The following ATAD1 variants were observed in gnomAD, a reference collection of about 807,000 sequenced individuals.
ATAD1 encodes the protein outer mitochondrial transmembrane helix translocase.
ATAD1 carries 18 observed loss-of-function variants against 42.7 expected under a neutral mutation model. The observed-to-expected ratio is 0.42, with a 90% CI of 0.29 to 0.63. ATAD1 has a LOEUF of 0.63. ATAD1 is among the 20% of genes least tolerant of loss of function. ATAD1 has a pLI of 0.19. For synonymous variants in ATAD1, 132 were observed against 143.1 expected (o/e 0.92, Z 0.55); for missense variants, 294 against 440.4 (o/e 0.67, Z 2.98).
chr10:87,760,022 T>A (rs1854408136), intron 8 of ATAD1, among the ~76,000 whole-genome samples: 1 of 149,990 alleles, frequency 6.7e-6, no homozygotes, highest in African/African-American at 2.5e-5. Flanking sequence ...CAGAATAAGT[T>A]AACAGACTTC....
intron 3 of ATAD1, 149 bp downstream of exon 3, chr10:87,792,508 C>G (rs1277355555): frequency 3.3e-6 from 2 of 604,836 alleles, no homozygotes; most frequent in Admixed American, 5.9e-5. Flanking sequence ...TGTAATAAAT[C>G]ATATACAGGA....
At chr10:87,765,481 TA>T (rs1054735507) in intron 8 of ATAD1, among the ~76,000 whole-genome samples, 1,317 of 88,134 alleles carry the variant, frequency 0.015, 10 homozygotes, top group Admixed American at 0.029. Flanking sequence ...CCAGAAGCCA[TA>T]GGGGGGGTGG....
At chr10:87,790,550 T>C in intron 3 of ATAD1, 120 bp from the exon 4 acceptor site, 2 of 1,041,360 alleles carry the variant, frequency 1.9e-6, no homozygotes, top group South Asian at 2.2e-5. Context: ...GTTAAAATCA[T>C]ATATTAACAT....
chr10:87,790,133 A>G (rs1483921271), intron 4 of ATAD1, among the ~76,000 whole-genome samples, 177 bp downstream of exon 4: 2 of 152,236 alleles, frequency 1.3e-5, no homozygotes, highest in Admixed American at 6.5e-5. Flanking sequence ...AATACAGGAA[A>G]AAGTTTATCT....
chr10:87,763,214 G>A (rs1049433426), intron 8 of ATAD1, among the ~76,000 whole-genome samples: 18 of 150,592 alleles, frequency 1.2e-4, no homozygotes, highest in African/African-American at 2.0e-4. Flanking sequence ...ATGTACATAC[G>A]TAGCTTTCTT....
At chr10:87,775,150 G>A (rs932863086) in intron 6 of ATAD1, among the ~76,000 whole-genome samples, 10 of 152,144 alleles carry the variant, frequency 6.6e-5, no homozygotes, top group African/African-American at 2.4e-4. Flanking sequence ...GCTGGGCGCA[G>A]TGGTTCATGC....
chr10:87,812,651 C>T (rs1564780812), intron 2 of ATAD1, among the ~76,000 whole-genome samples: 1 of 152,106 alleles, frequency 6.6e-6, no homozygotes, highest in South Asian at 2.1e-4. Context: ...CAAGCAAATC[C>T]CATTTCATCC....
upstream of ATAD1, among the ~76,000 whole-genome samples, chr10:87,822,503 A>C (rs557399568): frequency 3.9e-4 from 59 of 152,228 alleles, no homozygotes; most frequent in Non-Finnish European, 7.5e-4. Flanking sequence ...ACTGTAGGAC[A>C]TTATGTTGAG....
intron 1 of ATAD1, among the ~76,000 whole-genome samples, chr10:87,836,478 T>A (rs1185783447): frequency 6.6e-6 from 1 of 152,242 alleles, no homozygotes; most frequent in African/African-American, 2.4e-5. Flanking sequence ...TGACAGGTTT[T>A]TACTTTTAGC....
intron 2 of ATAD1, among the ~76,000 whole-genome samples, chr10:87,812,584 G>T (rs12779915): frequency 6.6e-6 from 1 of 151,952 alleles, no homozygotes; most frequent in Non-Finnish European, 1.5e-5. Context: ...TTTAACAGCT[G>T]GTCAGAGATG....
chr10:87,763,819 G>A (rs1490783966), intron 8 of ATAD1, among the ~76,000 whole-genome samples: 1 of 151,818 alleles, frequency 6.6e-6, no homozygotes, highest in Admixed American at 6.6e-5. Flanking sequence ...AGACACAAAG[G>A]TAAACAACCC....
intron 1 of ATAD1, among the ~76,000 whole-genome samples, chr10:87,828,820 T>C (rs1857775155): frequency 6.6e-6 from 1 of 152,248 alleles, no homozygotes; most frequent in Admixed American, 6.5e-5. Flanking sequence ...CTGAAAATCC[T>C]AGGGACTTAA....
intron 8 of ATAD1, 151 bp downstream of exon 8, chr10:87,767,522 A>G: frequency 2.8e-6 from 2 of 720,288 alleles, no homozygotes; most frequent in Non-Finnish European, 4.8e-6. Flanking sequence ...CCCAGTTCCT[A>G]ACAGGCCATA....
chr10:87,779,137 A>G (rs528772582), intron 5 of ATAD1, among the ~76,000 whole-genome samples: 13 of 151,986 alleles, frequency 8.6e-5, no homozygotes, highest in Non-Finnish European at 1.5e-4. Context: ...CATCTCTACT[A>G]AAAATACAAA....
chr10:87,802,031 T>C (rs1000777673), intron 2 of ATAD1, among the ~76,000 whole-genome samples: 1 of 152,242 alleles, frequency 6.6e-6, no homozygotes, highest in Non-Finnish European at 1.5e-5. Flanking sequence ...TAGACTCCTA[T>C]GAACAAAATT....
intron 1 of ATAD1, among the ~76,000 whole-genome samples, chr10:87,839,713 G>T (rs570953024): frequency 8.3e-6 from 1 of 120,576 alleles, no homozygotes; most frequent in African/African-American, 3.2e-5. Flanking sequence ...CTTCCCCCCC[G>T]CCGCCCCCAG....
chr10:87,761,300 G>A (rs576717224), intron 8 of ATAD1, among the ~76,000 whole-genome samples: 3 of 152,236 alleles, frequency 2.0e-5, no homozygotes, highest in South Asian at 2.1e-4. Context: ...GAGAGCATTC[G>A]TATTTTGCAA....
chr10:87,765,881 T>C (rs1330478682), intron 8 of ATAD1, among the ~76,000 whole-genome samples: 1 of 151,422 alleles, frequency 6.6e-6, no homozygotes, highest in Admixed American at 6.6e-5. Context: ...AATAACTAAA[T>C]AAATAAACAG....
At chr10:87,820,762 G>A (rs779391934), upstream of ATAD1, among the ~76,000 whole-genome samples, 18 of 152,110 alleles carry the variant, frequency 1.2e-4, no homozygotes, top group Non-Finnish European at 1.8e-4. Context: ...TAGCAAATCC[G>A]TAAGAAACCT....
Sources: gnomAD v4.1 joint callset for allele counts (sites outside exome capture counted in the v4.1 genomes callset) on GRCh38, gnomAD v4.1.1 for gene constraint, MANE v1.5 for transcripts, NCBI Gene and HGNC (gene_info 2026-07-23, HGNC 2026-07-21) for gene names.